Variants in TMEM117 observed in about 807,000 individuals in gnomAD.
TMEM117 encodes transmembrane protein 117.
In TMEM117, 27 loss-of-function variants were observed where a neutral mutation model predicts 52.4. The observed-to-expected ratio is 0.51, with a 90% CI of 0.38 to 0.71. TMEM117 has a LOEUF of 0.71. TMEM117 is among the 30% of genes least tolerant of loss of function. The probability of loss-of-function intolerance (pLI) is 0.00; values close to 1 mark genes in which losing one functional copy is unlikely to be tolerated. For synonymous variants in TMEM117, 215 were observed against 206.3 expected (o/e 1.04, Z -0.36); for missense variants, 556 against 630.5 (o/e 0.88, Z 1.26).
intron 5 of TMEM117, among the ~76,000 whole-genome samples, chr12:44,258,116 G>A (rs1389140557): frequency 6.6e-6 from 1 of 151,962 alleles, no homozygotes; most frequent in African/African-American, 2.4e-5. Context: ...TCTTGGCTTA[G>A]CTTTGAATTC....
intron 5 of TMEM117, among the ~76,000 whole-genome samples, chr12:44,261,778 C>G (rs1314757082): frequency 6.6e-6 from 1 of 152,150 alleles, no homozygotes; most frequent in Non-Finnish European, 1.5e-5. Context: ...TTCACATGCG[C>G]AGCATTTTGG....
intron 3 of TMEM117, among the ~76,000 whole-genome samples, chr12:44,023,337 C>T (rs1204185256): frequency 1.3e-5 from 2 of 152,134 alleles, no homozygotes; most frequent in African/African-American, 4.8e-5. Flanking sequence ...TGGGTATATA[C>T]CCAGTAATGG....
At chr12:44,054,915 C>T (rs1351162784) in intron 3 of TMEM117, among the ~76,000 whole-genome samples, 3 of 152,036 alleles carry the variant, frequency 2.0e-5, no homozygotes, top group African/African-American at 2.4e-5. Context: ...CGACAGGCCC[C>T]GGTGTATAGA....
At chr12:43,818,056 TCAA>T in the TMEM117 span, among the ~76,000 whole-genome samples, 9 of 152,232 alleles carry the variant, frequency 5.9e-5, no homozygotes. Context: ...GTTTAACTTT[TCAA>T]GGATGCCTCT....
At chr12:44,132,254 G>C (rs1319644091) in intron 3 of TMEM117, among the ~76,000 whole-genome samples, 1 of 151,122 alleles carries the variant, frequency 6.6e-6, no homozygotes. Flanking sequence ...TGGATGATGG[G>C]ACTCATATGT....
chr12:44,044,971 G>T (rs1346964986), intron 3 of TMEM117, among the ~76,000 whole-genome samples: 1 of 152,224 alleles, frequency 6.6e-6, no homozygotes, highest in Non-Finnish European at 1.5e-5. Flanking sequence ...AGAAATTTGG[G>T]GAAGAGATAT....
chr12:44,086,309 GT>G (rs997746748), intron 3 of TMEM117, among the ~76,000 whole-genome samples: 3 of 150,846 alleles, frequency 2.0e-5, no homozygotes, highest in African/African-American at 7.3e-5. Context: ...CGCCTCCCAG[GT>G]TCCAGCGATT....
intron 5 of TMEM117, among the ~76,000 whole-genome samples, chr12:44,268,143 CT>C (rs759345644): frequency 1.1e-3 from 159 of 145,040 alleles, no homozygotes; most frequent in Non-Finnish European, 9.7e-4. Flanking sequence ...ATCATGACAT[CT>C]TTTTTTTTTT....
Position 44,162,685 on chromosome 12 carries a change from G to C in TMEM117, c.510+19061G>C, listed in dbSNP as rs866575863. ...ATAAATAAGGTTGTAATAGTTATGA[G>C]ACTGAATGAATACTGATGATGCAGT... On this transcript the variant is annotated intron_variant, in intron 4 of 7. Coordinates refer to ENST00000266534, the MANE Select transcript of TMEM117 (RefSeq NM_032256.3). 3.3e-5 allele frequency among the ~76,000 whole-genome samples: 5 copies of C among 152,282 alleles called. No homozygotes were observed. The Middle Eastern group carries it at 0.01, about 311-fold the overall frequency.
chr12:43,934,117 G>T (rs949560396), intron 2 of TMEM117, among the ~76,000 whole-genome samples: 1 of 149,550 alleles, frequency 6.7e-6, no homozygotes, highest in Non-Finnish European at 1.5e-5. Context: ...AGGCCAAATT[G>T]ATTCCGTCAA....
the TMEM117 span, among the ~76,000 whole-genome samples, chr12:43,822,042 G>A: frequency 1.3e-5 from 2 of 152,168 alleles, no homozygotes; most frequent in Non-Finnish European, 2.9e-5. Context: ...GTCTCAAAGA[G>A]TTTTTATAAC....
chr12:43,974,655 A>G (rs1945643671), intron 3 of TMEM117, among the ~76,000 whole-genome samples: 1 of 152,140 alleles, frequency 6.6e-6, no homozygotes, highest in Non-Finnish European at 1.5e-5. Flanking sequence ...CTGTCTCTCT[A>G]TCTCAACTTA....
chr12:44,307,002 C>T (rs1254691943), intron 6 of TMEM117, among the ~76,000 whole-genome samples: 1 of 152,178 alleles, frequency 6.6e-6, no homozygotes, highest in Non-Finnish European at 1.5e-5. Context: ...ATTCCACAAA[C>T]ATTTCACCAT....
chr12:43,940,631 TC>T (rs1172058708), intron 2 of TMEM117, among the ~76,000 whole-genome samples: 2 of 151,982 alleles, frequency 1.3e-5, no homozygotes, highest in African/African-American at 2.4e-5. Context: ...AACCTCCAAC[TC>T]CCGGGTTCAA....
intron 5 of TMEM117, among the ~76,000 whole-genome samples, chr12:44,262,274 T>C (rs1407746171): frequency 1.3e-5 from 2 of 152,224 alleles, no homozygotes; most frequent in Non-Finnish European, 2.9e-5. Context: ...GTCTAGTATA[T>C]ACTATACTCA....
At position 43,948,015 on chromosome 12, in the gene TMEM117, C is replaced by T. The variant is rs577282747; in HGVS notation, c.410+3673C>T. ...AAAGAATCCCTAGGTTTATCTAGACCGGAACCTCAAGAGTTTTTAGCCCAG... is the reference window on the plus strand; with the variant it reads ...AAAGAATCCCTAGGTTTATCTAGACTGGAACCTCAAGAGTTTTTAGCCCAG... On this transcript the variant is annotated intron_variant, in intron 3 of 7. Coordinates refer to ENST00000266534, the MANE Select transcript of TMEM117 (RefSeq NM_032256.3). 7.9e-5 allele frequency among the ~76,000 whole-genome samples: 12 copies of T among 152,148 alleles called. No individual in the cohort carries two copies. The South Asian group carries it at 1.0e-3, about 13-fold the overall frequency.
At chr12:43,830,859 C>A in the TMEM117 span, among the ~76,000 whole-genome samples, 2 of 152,126 alleles carry the variant, frequency 1.3e-5, no homozygotes, top group Non-Finnish European at 2.9e-5. Context: ...CTAAGACATG[C>A]AAAGCAGCTA....
chr12:44,337,349 C>G (rs191116208), intron 6 of TMEM117, among the ~76,000 whole-genome samples: 242 of 152,072 alleles, frequency 1.6e-3, no homozygotes, highest in Non-Finnish European at 2.9e-3. Flanking sequence ...TTCATGAGGA[C>G]TATAGCTTCA....
At chr12:44,355,020 A>G (rs1422428568) in intron 6 of TMEM117, among the ~76,000 whole-genome samples, 1 of 152,048 alleles carries the variant, frequency 6.6e-6, no homozygotes, top group African/African-American at 2.4e-5. Flanking sequence ...CTTTTTATTA[A>G]TATTAAAACT....
Sources: allele counts gnomAD v4.1 joint callset (sites outside exome capture counted in the v4.1 genomes callset), GRCh38; gene constraint gnomAD v4.1.1; transcripts MANE v1.5; gene names NCBI Gene and HGNC (gene_info 2026-07-23, HGNC 2026-07-21).